Variants in PRKAB2 observed in about 807,000 individuals in gnomAD.
PRKAB2 encodes 5'-AMP-activated protein kinase subunit beta-2.
PRKAB2 carries 18 observed loss-of-function variants against 29.8 expected under a neutral mutation model. That is an observed-to-expected ratio of 0.60 (90% confidence interval 0.42 to 0.89). PRKAB2 has a LOEUF of 0.89. Ranked by LOEUF, PRKAB2 falls within the 40% of genes least tolerant of loss-of-function variation. The pLI, the probability that PRKAB2 is intolerant of heterozygous loss-of-function variation, is 0.00. For synonymous variants in PRKAB2, 136 were observed against 125.9 expected (o/e 1.08, Z -0.54); for missense variants, 270 against 344.3 (o/e 0.78, Z 1.71).
At position 147,161,701 on chromosome 1, in the gene PRKAB2, C is replaced by A; in HGVS notation, c.741+11G>T. Reference sequence around the variant, plus strand: ...CAGGGAGCTCTGTGAAGAGCCAGGGCCACCACTTACCTTAATGGACAATGC... The same window carrying A: ...CAGGGAGCTCTGTGAAGAGCCAGGGACACCACTTACCTTAATGGACAATGC... On this transcript the variant is annotated intron_variant, in intron 7 of 7. Transcript: ENST00000254101. 1.9e-6 allele frequency: 3 copies of A among 1,607,758 alleles called. No homozygotes were observed. The highest frequency in any genetic ancestry group is 2.6e-6 in the Non-Finnish European group (3 of 1,174,522).
rs587622145 is a variant in PRKAB2 at position 147,158,364 on chromosome 1, C to G, written c.*1201G>C. ...TAACAAATCTTTAAAATGAGGAACC[C>G]CTTTAGGTGCATCAAATGAGTTAAA... On this transcript the variant is annotated 3_prime_UTR_variant, in exon 8 of 8. Coordinates refer to ENST00000254101, the MANE Select transcript of PRKAB2 (RefSeq NM_005399.5). 3.3e-5 allele frequency: 5 copies of G among 152,180 alleles called. No individual in the cohort carries two copies. The highest frequency in any genetic ancestry group is 2.0e-4 in the Admixed American group (3 of 15,292). 9.4% of individuals were successfully genotyped at this position (152,180 alleles called of 1,614,324 possible).
At chr1:147,165,741 T>TA (rs1235328230) in intron 5 of PRKAB2, among the ~76,000 whole-genome samples, 6 of 152,122 alleles carry the variant, frequency 3.9e-5, no homozygotes, top group South Asian at 2.1e-4. Flanking sequence ...TTTTTTTTTT[T>TA]AACCAAAAAT....
At chr1:147,162,295 A>C in intron 6 of PRKAB2, 145 bp downstream of exon 6, 1 of 803,178 alleles carries the variant, frequency 1.2e-6, no homozygotes, top group East Asian at 3.1e-5. Flanking sequence ...CCACTGGAAA[A>C]AGGAAATCTG....
At chr1:147,161,112 C>A (rs1260640838) in intron 7 of PRKAB2, among the ~76,000 whole-genome samples, 3 of 152,078 alleles carry the variant, frequency 2.0e-5, no homozygotes, top group African/African-American at 7.2e-5. Flanking sequence ...AACTGCAGAG[C>A]TATATAACTT....
chr1:147,161,783 A>C lies in PRKAB2; in HGVS notation c.673-3T>G. On this transcript the variant is annotated splice_polypyrimidine_tract_variant and splice_region_variant and intron_variant, in intron 6 of 7. Transcript: ENST00000254101. ...TCAGGGAGTAAGGCTGGGTCACACT[A>C]AGAGAAAGAGAAAAAAATTACTAAA... 6.3e-7 allele frequency: 1 copy of C among 1,595,340 alleles called. No individual in the cohort carries two copies. Among genetic ancestry groups the C allele is most frequent in the South Asian group, 1.1e-5 (1 of 87,816 alleles).
chr1:147,162,333 TA>T, intron 6 of PRKAB2, 106 bp downstream of exon 6: 1 of 1,192,874 alleles, frequency 8.4e-7, no homozygotes, highest in Non-Finnish European at 1.2e-6. Flanking sequence ...GTATGACTTA[TA>T]ATCTCAACAC....
intron 2 of PRKAB2, among the ~76,000 whole-genome samples, chr1:147,168,193 A>G (rs1334870450): frequency 6.6e-6 from 1 of 152,080 alleles, no homozygotes; most frequent in Non-Finnish European, 1.5e-5. Context: ...ACCCTTCCAG[A>G]GCCTTAGACT....
chr1:147,172,118 C>G lies in PRKAB2; in HGVS notation c.27G>C (p.Val9=), dbSNP rs587748890. 3.2e-6 allele frequency: 5 copies of G among 1,553,432 alleles called. No homozygotes were observed. Among genetic ancestry groups the G allele is most frequent in the Non-Finnish European group, 4.4e-6 (5 of 1,149,414 alleles). Residue 9 remains valine (V), a synonymous_variant, in exon 2 of 8, where the codon GTG becomes GTC. Coordinates refer to ENST00000254101, the MANE Select transcript of PRKAB2 (RefSeq NM_005399.5). The part of the protein sequence containing the change: MGNTTSDR[V]SGERHGAKAA... ...CCTTGGCGCCGTGGCGCTCCCCGGA[C>G]ACCCGGTCGCTGGTGGTGTTTCCCA...
chr1:147,169,478 G>A (rs979592823), intron 2 of PRKAB2, among the ~76,000 whole-genome samples: 4 of 151,986 alleles, frequency 2.6e-5, no homozygotes, highest in African/African-American at 7.2e-5. Flanking sequence ...TGTAAGATCT[G>A]GGAACCTATT....
chr1:147,172,470 T>C lies in PRKAB2; in HGVS notation c.-65A>G, dbSNP rs782003105. 7 of 408,416 alleles carry C rather than the reference T, an allele frequency of 1.7e-5. No individual in the cohort carries two copies. The highest frequency in any genetic ancestry group is 3.1e-5 in the Non-Finnish European group (7 of 227,690). 25.3% of individuals were successfully genotyped at this position (408,416 alleles called of 1,614,324 possible). A position where few individuals can be genotyped will look rare whatever the true frequency, so the allele number is the denominator to read the frequency against. ...CCTCCTCCAAGGGCCACTGATGTGATGGCTGTTCTGCAGATCAGGCCACCA... is the reference window on the plus strand; with the variant it reads ...CCTCCTCCAAGGGCCACTGATGTGACGGCTGTTCTGCAGATCAGGCCACCA... On this transcript the variant is annotated 5_prime_UTR_variant, in exon 1 of 8. Transcript: ENST00000254101.
chr1:147,158,514 A>G lies in PRKAB2; in HGVS notation c.*1051T>C, dbSNP rs782693827. 1.3e-5 allele frequency: 2 copies of G among 152,136 alleles called. No homozygotes were observed. The highest frequency in any genetic ancestry group is 2.4e-5 in the African/African-American group (1 of 41,410). The allele number at this position is 152,136 out of a possible 1,614,324, so 9.4% of individuals were successfully genotyped here. A position where few individuals can be genotyped will look rare whatever the true frequency, so the allele number is the denominator to read the frequency against. On this transcript the variant is annotated 3_prime_UTR_variant, in exon 8 of 8. Coordinates refer to ENST00000254101, the MANE Select transcript of PRKAB2 (RefSeq NM_005399.5). Reference sequence around the variant, plus strand: ...AATCTCTTTGAAGAAGCATTTATCAAAAGCCTGAAATTCTCCAATGCGGTC... The same window carrying G: ...AATCTCTTTGAAGAAGCATTTATCAGAAGCCTGAAATTCTCCAATGCGGTC...
rs1247048148 is a variant in PRKAB2 at position 147,157,390 on chromosome 1, T to A, written c.*2175A>T. 3 of 152,164 alleles carry A rather than the reference T, an allele frequency of 2.0e-5. No individual in the cohort carries two copies. The highest frequency in any genetic ancestry group is 3.9e-4 in the East Asian group (2 of 5,154). 9.4% of individuals were successfully genotyped at this position (152,164 alleles called of 1,614,324 possible). A position where few individuals can be genotyped will look rare whatever the true frequency, so the allele number is the denominator to read the frequency against. On this transcript the variant is annotated 3_prime_UTR_variant, in exon 8 of 8. Coordinates refer to ENST00000254101, the MANE Select transcript of PRKAB2 (RefSeq NM_005399.5). ...ACCTCAGAACTTGGGAAACTGACACTCTCTGCACATTTCCAGAGAGAAAGA... is the reference window on the plus strand; with the variant it reads ...ACCTCAGAACTTGGGAAACTGACACACTCTGCACATTTCCAGAGAGAAAGA...
At chr1:147,163,230 T>A (rs1177774177) in intron 5 of PRKAB2, among the ~76,000 whole-genome samples, 2 of 152,234 alleles carry the variant, frequency 1.3e-5, no homozygotes, top group Non-Finnish European at 2.9e-5. Flanking sequence ...ACGCTCACAC[T>A]ATTCCCACTG....
At chr1:147,171,856 C>G in intron 2 of PRKAB2, 133 bp downstream of exon 2, 1 of 1,188,626 alleles carries the variant, frequency 8.4e-7, no homozygotes, top group Non-Finnish European at 1.2e-6. Context: ...ACACCTCTGT[C>G]CCCGATAAAT....
chr1:147,172,335 C>T, intron 1 of PRKAB2, 94 bp downstream of exon 1: 1 of 756,532 alleles, frequency 1.3e-6, no homozygotes, highest in Non-Finnish European at 2.0e-6. Flanking sequence ...GCAAATACCC[C>T]GGTGCCCTCA....
Position 147,161,651 on chromosome 1 carries a change from G to A in PRKAB2, c.741+61C>T, listed in dbSNP as rs141968448. 285 of 1,386,144 alleles carry A rather than the reference G, an allele frequency of 2.1e-4. No homozygotes were observed. In the African/African-American group the frequency reaches 2.5e-3, roughly 12 times the overall value. The allele number at this position is 1,386,144 out of a possible 1,614,324, so 85.9% of individuals were successfully genotyped here. ...AGCAGAGAAAGTAACCACTGAGAAC[G>A]TATGTTACCCTTGACCTCTCATTCC... On this transcript the variant is annotated intron_variant, in intron 7 of 7. Coordinates refer to ENST00000254101, the MANE Select transcript of PRKAB2 (RefSeq NM_005399.5).
Position 147,155,238 on chromosome 1 carries a change from C to T in PRKAB2, c.*4327G>A, listed in dbSNP as rs914645601. Reference sequence around the variant, plus strand: ...TACGTTTGAAGAACAGCTTTAAAATCCACTCTTGTCTGCCACTCCTTTATG... The same window carrying T: ...TACGTTTGAAGAACAGCTTTAAAATTCACTCTTGTCTGCCACTCCTTTATG... On this transcript the variant is annotated 3_prime_UTR_variant, in exon 8 of 8. Coordinates refer to ENST00000254101, the MANE Select transcript of PRKAB2 (RefSeq NM_005399.5). 4 of 151,528 alleles carry T rather than the reference C, an allele frequency of 2.6e-5. No individual in the cohort carries two copies. The highest frequency in any genetic ancestry group is 6.6e-5 in the Admixed American group (1 of 15,230). 9.4% of individuals were successfully genotyped at this position (151,528 alleles called of 1,614,324 possible).
chr1:147,163,554 A>G (rs1200984809), intron 5 of PRKAB2, among the ~76,000 whole-genome samples: 7 of 151,980 alleles, frequency 4.6e-5, no homozygotes, highest in African/African-American at 1.7e-4. Context: ...ACATGGATGA[A>G]CCCTGAAAAC....
At chr1:147,163,222 G>C (rs782286570) in intron 5 of PRKAB2, among the ~76,000 whole-genome samples, 1 of 152,158 alleles carries the variant, frequency 6.6e-6, no homozygotes, top group Non-Finnish European at 1.5e-5. Context: ...AAATTGGAAC[G>C]CTCACACTAT....
Sources: gnomAD v4.1 joint callset for allele counts (sites outside exome capture counted in the v4.1 genomes callset) on GRCh38, gnomAD v4.1.1 for gene constraint, MANE v1.5 for transcripts, NCBI Gene and HGNC (gene_info 2026-07-23, HGNC 2026-07-21) for gene names.